Variants in FAM53A observed in about 807,000 individuals in gnomAD.
FAM53A encodes protein FAM53A.
A neutral mutation model predicts 26.6 loss-of-function variants in FAM53A; 28 were observed. The observed-to-expected ratio is 1.05, with a 90% CI of 0.78 to 1.45. FAM53A has a LOEUF of 1.45. Among genes scored for constraint, FAM53A ranks in the 40% most tolerant of loss-of-function variants. FAM53A has a pLI of 0.00. For synonymous variants in FAM53A, 290 were observed against 253.1 expected (o/e 1.15, Z -1.38); for missense variants, 650 against 575.8 (o/e 1.13, Z -1.32).
At chr4:1,664,690 A>G (rs895742574) in intron 2 of FAM53A, among the ~76,000 whole-genome samples, 1 of 152,194 alleles carries the variant, frequency 6.6e-6, no homozygotes, top group East Asian at 1.9e-4. Context: ...ACAGATTAAA[A>G]ATCCTGGCCA....
the FAM53A span, among the ~76,000 whole-genome samples, chr4:1,590,955 C>CATATATATAT: frequency 7.8e-4 from 36 of 46,282 alleles, no homozygotes; most frequent in East Asian, 1.4e-3. Context: ...TTATTTAATG[C>CATATATATAT]ATATATATAT....
At chr4:1,590,955 CATATATATATATATATATATATATATAT>C in the FAM53A span, among the ~76,000 whole-genome samples, 150 of 46,304 alleles carry the variant, frequency 3.2e-3, 5 homozygotes, top group East Asian at 0.051. Flanking sequence ...TTATTTAATG[CATATATATATATATATATATATATATAT>C]ATATATATAT....
chr4:1,586,591 C>T, the FAM53A span, among the ~76,000 whole-genome samples: 3 of 151,690 alleles, frequency 2.0e-5, no homozygotes, highest in African/African-American at 4.8e-5. Flanking sequence ...CTGGCTAACA[C>T]GGTGAAACCC....
At chr4:1,610,418 G>C in the FAM53A span, among the ~76,000 whole-genome samples, 2 of 152,174 alleles carry the variant, frequency 1.3e-5, no homozygotes, top group Non-Finnish European at 2.9e-5. Flanking sequence ...GCAGGCTCTC[G>C]GATGCCCAGG....
At chr4:1,604,704 G>C in the FAM53A span, among the ~76,000 whole-genome samples, 4 of 152,032 alleles carry the variant, frequency 2.6e-5, no homozygotes, top group African/African-American at 9.7e-5. Flanking sequence ...GGCCCTTCCC[G>C]GGACTAACAT....
downstream of FAM53A, among the ~76,000 whole-genome samples, chr4:1,613,905 C>G (rs73067058): frequency 0.013 from 2,035 of 152,284 alleles, 35 homozygotes; most frequent in African/African-American, 0.046. Flanking sequence ...TACCTCAGGT[C>G]CCACGCAAAG....
the FAM53A span, among the ~76,000 whole-genome samples, chr4:1,602,764 C>T: frequency 9.9e-5 from 15 of 152,138 alleles, no homozygotes; most frequent in Non-Finnish European, 1.8e-4. Context: ...GGTCCCGGAA[C>T]CCAGGGGTCT....
Position 1,640,190 on chromosome 4 carries a change from G to C in FAM53A, c.*1103C>G, listed in dbSNP as rs1040727857. 8 of 163,780 alleles carry C rather than the reference G, an allele frequency of 4.9e-5. No homozygotes were observed. The highest frequency in any genetic ancestry group is 6.5e-5 in the Non-Finnish European group (5 of 77,062). 10.1% of individuals were successfully genotyped at this position (163,780 alleles called of 1,614,324 possible). A position where few individuals can be genotyped will look rare whatever the true frequency, so the allele number is the denominator to read the frequency against. On this transcript the variant is annotated 3_prime_UTR_variant, in exon 5 of 5. Transcript: ENST00000308132. ...GCCCTCCCAGGCCACGGGAAGCAGG[G>C]ACTCATGGCACCTTGGTCTGCCCCA...
At chr4:1,625,674 G>T (rs1046642517) in intron 1 of FAM53A, among the ~76,000 whole-genome samples, 2 of 141,338 alleles carry the variant, frequency 1.4e-5, no homozygotes, top group Admixed American at 7.0e-5. Context: ...CGTGGTCAGG[G>T]TCACGCCAGG....
intron 3 of FAM53A, among the ~76,000 whole-genome samples, 159 bp from the exon 4 acceptor site, chr4:1,655,882 A>G (rs908705729): frequency 3.3e-5 from 5 of 152,144 alleles, no homozygotes; most frequent in African/African-American, 1.2e-4. Context: ...CGCACAGTGG[A>G]CACCAGCCCC....
At position 1,653,026 on chromosome 4, in the gene FAM53A, TAC is replaced by T. The variant is rs369275649; in HGVS notation, c.882+1950_882+1951del. On this transcript the variant is annotated intron_variant, in intron 4 of 4. Coordinates refer to ENST00000308132, the MANE Select transcript of FAM53A (RefSeq NM_001174070.3). ...CACACACATCACACACCACACACACTACACACACACAACACATAGACCACACA... is the reference window on the plus strand; with the variant it reads ...CACACACATCACACACCACACACACTACACACACAACACATAGACCACACA... Among the ~76,000 whole-genome samples the T allele has an allele frequency of 5.3e-4, 74 of 138,560 alleles. 1 individual carries two copies. Among genetic ancestry groups the T allele is most frequent in the African/African-American group, 2.0e-3 (72 of 36,432 alleles). 90.9% of individuals were successfully genotyped at this position (138,560 alleles called of 152,430 possible).
downstream of FAM53A, among the ~76,000 whole-genome samples, chr4:1,635,024 G>C (rs1267353213): frequency 6.6e-6 from 1 of 152,100 alleles, no homozygotes; most frequent in Admixed American, 6.5e-5. Context: ...CTTTCTCCTT[G>C]AGTCAGTTTT....
At chr4:1,651,222 C>T (rs1239958900) in intron 4 of FAM53A, among the ~76,000 whole-genome samples, 1 of 105,570 alleles carries the variant, frequency 9.5e-6, no homozygotes, top group Admixed American at 1.1e-4. Flanking sequence ...GACTCCATCT[C>T]GAAAAAAAAA....
downstream of FAM53A, among the ~76,000 whole-genome samples, chr4:1,615,875 G>A (rs1282479703): frequency 6.6e-6 from 1 of 152,234 alleles, no homozygotes; most frequent in African/African-American, 2.4e-5. Flanking sequence ...CAAAGACAGA[G>A]CAGCGACGTT....
At chr4:1,655,809 A>C in intron 3 of FAM53A, 86 bp from the exon 4 acceptor site, 1 of 1,412,300 alleles carries the variant, frequency 7.1e-7, no homozygotes, top group Non-Finnish European at 9.3e-7. Flanking sequence ...AGCCTGGCAG[A>C]GCTGTCAAGG....
At chr4:1,600,555 C>G in the FAM53A span, among the ~76,000 whole-genome samples, 1 of 152,214 alleles carries the variant, frequency 6.6e-6, no homozygotes, top group South Asian at 2.1e-4. Flanking sequence ...AGGCCCCACA[C>G]GGCCAGGGTG....
downstream of FAM53A, among the ~76,000 whole-genome samples, chr4:1,616,687 T>A (rs1225942469): frequency 2.0e-5 from 3 of 152,260 alleles, no homozygotes; most frequent in Non-Finnish European, 4.4e-5. Flanking sequence ...ATAAGAAGGA[T>A]GCAGAAGTAA....
At chr4:1,589,090 T>C in the FAM53A span, among the ~76,000 whole-genome samples, 1 of 152,218 alleles carries the variant, frequency 6.6e-6, no homozygotes, top group African/African-American at 2.4e-5. Context: ...AAAGTTTTTC[T>C]AATAAATAGT....
downstream of FAM53A, among the ~76,000 whole-genome samples, chr4:1,636,794 G>A (rs1170098505): frequency 2.0e-5 from 3 of 152,366 alleles, no homozygotes; most frequent in Non-Finnish European, 4.4e-5. Flanking sequence ...GAGGCCACGG[G>A]GCTAGCATGG....
Sources: allele counts gnomAD v4.1 joint callset (sites outside exome capture counted in the v4.1 genomes callset), GRCh38; gene constraint gnomAD v4.1.1; transcripts MANE v1.5; gene names NCBI Gene and HGNC (gene_info 2026-07-23, HGNC 2026-07-21).